The following CDKL2 variants were observed in gnomAD, a reference collection of about 807,000 sequenced individuals.
CDKL2 encodes the protein cyclin-dependent kinase-like 2.
Under a neutral mutation model 63.9 loss-of-function variants are expected in CDKL2, and 64 were observed. The ratio of observed to expected loss-of-function variants is 1.00; its 90% CI spans 0.82 to 1.23. The LOEUF (loss-of-function observed/expected upper bound fraction) is 1.23. Among genes scored for constraint, CDKL2 ranks in the 50% most tolerant of loss-of-function variants. The pLI is 0.00. For synonymous variants in CDKL2, 211 were observed against 229.2 expected (o/e 0.92, Z 0.72); for missense variants, 656 against 668.0 (o/e 0.98, Z 0.20).
intron 1 of CDKL2, among the ~76,000 whole-genome samples, chr4:75,626,518 T>C (rs1490106019): frequency 6.6e-6 from 1 of 151,938 alleles, no homozygotes; most frequent in Non-Finnish European, 1.5e-5. Flanking sequence ...TACAGAAAAA[T>C]TAGCCGGACT....
chr4:75,581,613 C>T (rs112229293), intron 13 of CDKL2, among the ~76,000 whole-genome samples, 197 bp downstream of exon 13: 7 of 152,348 alleles, frequency 4.6e-5, no homozygotes, highest in African/African-American at 1.2e-4. Flanking sequence ...AAGAGATGTA[C>T]GCTCTGCGAA....
At chr4:75,584,765 G>A (rs1728400199) in intron 12 of CDKL2, among the ~76,000 whole-genome samples, 1 of 152,160 alleles carries the variant, frequency 6.6e-6, no homozygotes, top group African/African-American at 2.4e-5. Flanking sequence ...CATGTCCTGA[G>A]CAGAACAGAG....
chr4:75,627,322 G>GA (rs1342216612), intron 1 of CDKL2, among the ~76,000 whole-genome samples: 1 of 151,996 alleles, frequency 6.6e-6, no homozygotes, highest in Non-Finnish European at 1.5e-5. Context: ...GCCCAGGCTG[G>GA]AGTGCAGTGG....
intron 1 of CDKL2, among the ~76,000 whole-genome samples, chr4:75,629,612 T>C (rs189211062): frequency 1.1e-3 from 172 of 152,312 alleles, no homozygotes; most frequent in Non-Finnish European, 9.1e-4. Context: ...TTGATAAAAA[T>C]ATTTGGAGAA....
chr4:75,603,847 C>T lies in CDKL2; in HGVS notation c.765G>A (p.Lys255=), dbSNP rs1729309411. ...EREPLERRYP[K]LSEVVIDLAK... is the part of the protein sequence containing the mutation. ...CTAAATCTATCACCACTTCAGAGAG[C>T]TTAGGATAGCGTCTTTCAAGAGGTT... Residue 255 remains lysine (K), a synonymous_variant, in exon 6 of 14, where the codon AAG becomes AAA. Coordinates refer to ENST00000307465, the MANE Select transcript of CDKL2 (RefSeq NM_001330724.2). The T allele has an allele frequency of 1.2e-6, 2 of 1,611,656 alleles. No homozygotes were observed. Among genetic ancestry groups the T allele is most frequent in the South Asian group, 1.1e-5 (1 of 90,778 alleles).
chr4:75,629,523 C>T, intron 1 of CDKL2, among the ~76,000 whole-genome samples: 1 of 152,270 alleles, frequency 6.6e-6, no homozygotes, highest in East Asian at 1.9e-4. Context: ...TACTCTTGAA[C>T]GGAAAGGTAA....
In CDKL2 at chr4:75,614,395, G is replaced by GTTTT. The variant is rs753353408; in HGVS notation, c.219_222dup (p.Arg75LysfsTer8). On this transcript the variant is annotated frameshift_variant, in exon 3 of 14. Transcript: ENST00000307465. LOFTEE classifies it high-confidence loss of function. ...ACAAATTCAAAGACTAGGTACCATC[G>GTTTT]TTTTTTTTTCTTACACACTTCCAAG... The GTTTT allele has an allele frequency of 6.4e-7, 1 of 1,567,760 alleles. No homozygotes were observed. The highest frequency in any genetic ancestry group is 8.7e-7 in the Non-Finnish European group (1 of 1,148,174).
intron 6 of CDKL2, 31 bp downstream of exon 6, chr4:75,603,786 G>C (rs1361163810): frequency 7.1e-7 from 1 of 1,414,500 alleles, no homozygotes; most frequent in African/African-American, 1.5e-5. Context: ...TAAATTCCCT[G>C]TCATAAAGTG....
chr4:75,592,783 A>G (rs1728770195), intron 10 of CDKL2, among the ~76,000 whole-genome samples: 1 of 152,226 alleles, frequency 6.6e-6, no homozygotes, highest in South Asian at 2.1e-4. Flanking sequence ...AGAATATAAT[A>G]CTATCTTCCC....
chr4:75,588,968 G>A (rs950483638), intron 12 of CDKL2, among the ~76,000 whole-genome samples: 2 of 151,930 alleles, frequency 1.3e-5, no homozygotes, highest in African/African-American at 4.8e-5. Flanking sequence ...AGAAAAACTG[G>A]ACTAATTTGA....
chr4:75,587,683 C>G (rs1022651516), intron 12 of CDKL2, among the ~76,000 whole-genome samples: 1 of 151,838 alleles, frequency 6.6e-6, no homozygotes, highest in African/African-American at 2.4e-5. Context: ...ACGGGCGGAT[C>G]ACGAGATCAG....
At chr4:75,610,599 T>C (rs541124137) in intron 3 of CDKL2, among the ~76,000 whole-genome samples, 3 of 152,316 alleles carry the variant, frequency 2.0e-5, no homozygotes, top group African/African-American at 7.2e-5. Context: ...AACCTCATAA[T>C]GTTCTGTACT....
intron 3 of CDKL2, among the ~76,000 whole-genome samples, chr4:75,608,249 C>A (rs1038222516): frequency 9.2e-5 from 14 of 151,396 alleles, no homozygotes; most frequent in Non-Finnish European, 1.9e-4. Flanking sequence ...CTCAGCCTCC[C>A]GAGTAGCTGA....
intron 6 of CDKL2, among the ~76,000 whole-genome samples, chr4:75,601,410 A>G (rs1330082225): frequency 6.6e-6 from 1 of 152,122 alleles, no homozygotes; most frequent in African/African-American, 2.4e-5. Context: ...AAGGGACTCA[A>G]TAAGTAGCTT....
chr4:75,621,060 T>C (rs957594265), intron 2 of CDKL2, among the ~76,000 whole-genome samples: 1 of 151,742 alleles, frequency 6.6e-6, no homozygotes, highest in African/African-American at 2.4e-5. Context: ...CTCAGCCTCC[T>C]GAGTAGCTGG....
rs574818979 is a variant in CDKL2, at chr4:75,624,436, C to A, written c.168+1385G>T. ...GCATAGCGGCACACACCTGCAATCC[C>A]AGCTACTTGGGAGACTGAGGTGTAG... On this transcript the variant is annotated intron_variant, in intron 2 of 13. Coordinates refer to ENST00000307465, the MANE Select transcript of CDKL2 (RefSeq NM_001330724.2). 1.3e-4 allele frequency among the ~76,000 whole-genome samples: 19 copies of A among 151,990 alleles called. No homozygotes were observed. In the East Asian group the frequency reaches 3.5e-3, roughly 28 times the overall value.
intron 13 of CDKL2, among the ~76,000 whole-genome samples, chr4:75,580,304 C>A (rs1728205395): frequency 3.3e-5 from 5 of 151,936 alleles, no homozygotes; most frequent in Admixed American, 3.3e-4. Context: ...AATTTATCAT[C>A]ATAATATTTT....
intron 8 of CDKL2, among the ~76,000 whole-genome samples, 193 bp from the exon 9 acceptor site, chr4:75,597,429 A>C (rs1728994623): frequency 6.6e-6 from 1 of 152,122 alleles, no homozygotes; most frequent in Admixed American, 6.5e-5. Flanking sequence ...GAAAATACAA[A>C]AAGAATGGAA....
chr4:75,613,038 T>G (rs1429055607), intron 3 of CDKL2, among the ~76,000 whole-genome samples: 9 of 150,886 alleles, frequency 6.0e-5, no homozygotes, highest in African/African-American at 2.2e-4. Context: ...GGCCGGAGAA[T>G]GGCGTGAGCC....
Sources: gnomAD v4.1 joint callset for allele counts (sites outside exome capture counted in the v4.1 genomes callset) on GRCh38, gnomAD v4.1.1 for gene constraint, MANE v1.5 for transcripts, NCBI Gene and HGNC (gene_info 2026-07-23, HGNC 2026-07-21) for gene names.